Variants in CTNNA3 observed in about 807,000 individuals in gnomAD.
The protein encoded by CTNNA3 is catenin alpha 3.
Under a neutral mutation model 95.7 loss-of-function variants are expected in CTNNA3, and 76 were observed. That is an observed-to-expected ratio of 0.79 (90% CI 0.66 to 0.96). The LOEUF is 0.96. CTNNA3 is among the 40% of genes least tolerant of loss of function. The probability of loss-of-function intolerance (pLI) is 0.00; values close to 1 mark genes in which losing one functional copy is unlikely to be tolerated. For synonymous variants in CTNNA3, 431 were observed against 374.4 expected (o/e 1.15, Z -1.74); for missense variants, 1,191 against 1,089.8 (o/e 1.09, Z -1.31).
intron 5 of CTNNA3, among the ~76,000 whole-genome samples, chr10:67,432,848 C>A (rs555332485): frequency 1.8e-4 from 27 of 152,126 alleles, no homozygotes; most frequent in Middle Eastern, 6.8e-3. Context: ...TATAGTTTTT[C>A]TTTCTTGCAA....
chr10:66,291,000 A>G (rs10762047), intron 12 of CTNNA3, among the ~76,000 whole-genome samples: 66,897 of 151,968 alleles, frequency 0.44, 15,400 homozygotes, highest in African/African-American at 0.58. Context: ...GGATTACAAA[A>G]TATGATAACC....
intron 12 of CTNNA3, among the ~76,000 whole-genome samples, chr10:66,290,358 G>T (rs749829126): frequency 4.2e-4 from 64 of 151,958 alleles, no homozygotes; most frequent in Non-Finnish European, 7.8e-4. Flanking sequence ...TTGATTGTTT[G>T]AGGTCCAGGC....
intron 11 of CTNNA3, among the ~76,000 whole-genome samples, chr10:66,412,155 A>T (rs1911491): frequency 6.6e-6 from 1 of 151,958 alleles, no homozygotes; most frequent in African/African-American, 2.4e-5. Context: ...TGCATTCGAT[A>T]TTCCAGCAAG....
chr10:67,585,669 T>C (rs1177223991), intron 3 of CTNNA3, among the ~76,000 whole-genome samples: 1 of 152,144 alleles, frequency 6.6e-6, no homozygotes, highest in African/African-American at 2.4e-5. Flanking sequence ...TCTGTAGTTA[T>C]CAGTTGTAAT....
At chr10:66,621,412 T>C (rs1844741757) in intron 10 of CTNNA3, among the ~76,000 whole-genome samples, 1 of 151,758 alleles carries the variant, frequency 6.6e-6, no homozygotes, top group South Asian at 2.1e-4. Flanking sequence ...TCACTTGAGG[T>C]CAGGAGTTCG....
chr10:67,253,098 A>T lies in CTNNA3; in HGVS notation c.580-33228T>A, dbSNP rs534150275. Among the ~76,000 whole-genome samples the T allele has an allele frequency of 2.6e-5, 4 of 152,342 alleles. No homozygotes were observed. In the East Asian group the frequency reaches 7.7e-4, roughly 29 times the overall value. On this transcript the variant is annotated intron_variant, in intron 5 of 17. Coordinates refer to ENST00000433211, the MANE Select transcript of CTNNA3 (RefSeq NM_013266.4). ...TTCTCTTTGGCATATCCCAACCACCAGCATCACTACTCTTGTGCTTTGGGG... is the reference window on the plus strand; with the variant it reads ...TTCTCTTTGGCATATCCCAACCACCTGCATCACTACTCTTGTGCTTTGGGG...
At chr10:67,431,161 G>C (rs1846099155) in intron 5 of CTNNA3, among the ~76,000 whole-genome samples, 2 of 151,780 alleles carry the variant, frequency 1.3e-5, no homozygotes. Flanking sequence ...AACCACTAAT[G>C]GACTATATTA....
At chr10:67,338,071 C>T (rs1291665459) in intron 5 of CTNNA3, among the ~76,000 whole-genome samples, 1 of 152,126 alleles carries the variant, frequency 6.6e-6, no homozygotes, top group African/African-American at 2.4e-5. Context: ...TTTGTTTCAT[C>T]TTCAGGAGCC....
At chr10:67,227,084 C>CTTTTTTTTTTTTTTT (rs113895568) in intron 5 of CTNNA3, among the ~76,000 whole-genome samples, 1 of 144,464 alleles carries the variant, frequency 6.9e-6, no homozygotes. Context: ...GCAAAGGTAG[C>CTTTTTTTTTTTTTTT]TTTTTTTTTC....
At chr10:67,610,439 C>T (rs2133386347) in intron 2 of CTNNA3, among the ~76,000 whole-genome samples, 1 of 152,306 alleles carries the variant, frequency 6.6e-6, no homozygotes, top group East Asian at 1.9e-4. Flanking sequence ...AAACTAAAGT[C>T]AAGTGAGGTT....
chr10:67,362,591 T>C (rs375837064), intron 5 of CTNNA3, among the ~76,000 whole-genome samples: 1 of 151,082 alleles, frequency 6.6e-6, no homozygotes, highest in Non-Finnish European at 1.5e-5. Flanking sequence ...TTAAAAAACC[T>C]AACGAGCATA....
chr10:67,105,727 C>T (rs1858596693), intron 7 of CTNNA3, among the ~76,000 whole-genome samples: 1 of 152,150 alleles, frequency 6.6e-6, no homozygotes, highest in African/African-American at 2.4e-5. Context: ...CTCTAGAGGT[C>T]TTATTTTATA....
chr10:66,006,522 A>C (rs1282412842), intron 15 of CTNNA3, among the ~76,000 whole-genome samples: 3 of 152,144 alleles, frequency 2.0e-5, no homozygotes, highest in Admixed American at 6.5e-5. Context: ...CTGAGTGTGC[A>C]CATTAATCAA....
At chr10:66,249,611 T>C (rs1351144958) in intron 13 of CTNNA3, among the ~76,000 whole-genome samples, 3 of 152,176 alleles carry the variant, frequency 2.0e-5, no homozygotes, top group Admixed American at 2.0e-4. Flanking sequence ...ATGGCTTTTA[T>C]CTAAAAGACA....
rs1223014512 is a variant in CTNNA3, at chr10:67,744,153, C to T, written c.-2+19281G>A. On this transcript the variant is annotated intron_variant, in intron 1 of 17. Transcript: ENST00000684154. ...TCTTCACAGAATTGGAAAAAACTAC[C>T]TTAAAGTTCATATGGAACCAAAAAA... Among the ~76,000 whole-genome samples the T allele has an allele frequency of 4.6e-5, 7 of 151,014 alleles. 1 individual carries two copies. The highest frequency in any genetic ancestry group is 3.2e-3 in the Middle Eastern group (1 of 310).
At chr10:67,008,292 T>G (rs991154976) in intron 7 of CTNNA3, among the ~76,000 whole-genome samples, 1 of 152,288 alleles carries the variant, frequency 6.6e-6, no homozygotes, top group African/African-American at 2.4e-5. Context: ...CATTGTTCAT[T>G]CATAGTTTCT....
rs141558855 is a variant in CTNNA3 at position 67,205,441 on chromosome 10, C to CAT, written c.843+14164_843+14165dup. On this transcript the variant is annotated intron_variant, in intron 6 of 17. Transcript: ENST00000433211. ...TTTACCCACCAAAATTGCAAACTCT[C>CAT]ATATATTTATAGGCATCAGAGTTTT... 0.012 allele frequency among the ~76,000 whole-genome samples: 1,861 copies of CAT among 152,190 alleles called. 116 individuals are homozygous for CAT. The East Asian group carries it at 0.18, about 15-fold the overall frequency.
intron 12 of CTNNA3, among the ~76,000 whole-genome samples, chr10:66,366,972 A>G (rs1471320362): frequency 6.6e-6 from 1 of 152,142 alleles, no homozygotes; most frequent in Non-Finnish European, 1.5e-5. Flanking sequence ...GCAAAATTCT[A>G]TGGAAACTAC....
chr10:67,688,306 CTTTG>C (rs917224007), intron 1 of CTNNA3, among the ~76,000 whole-genome samples: 6 of 151,892 alleles, frequency 4.0e-5, no homozygotes, highest in Non-Finnish European at 5.9e-5. Context: ...TTGGAGATTT[CTTTG>C]TTTGTTTCCT....
Sources: gnomAD v4.1 joint callset for allele counts (sites outside exome capture counted in the v4.1 genomes callset) on GRCh38, gnomAD v4.1.1 for gene constraint, MANE v1.5 for transcripts, NCBI Gene and HGNC (gene_info 2026-07-23, HGNC 2026-07-21) for gene names.